CELF2: variants seen among roughly 807,000 people sequenced by gnomAD.
CELF2 encodes CUGBP Elav-like family member 2.
CELF2 carries 8 observed loss-of-function variants against 62.6 expected under a neutral mutation model. That is an observed-to-expected ratio of 0.13 (90% CI 0.07 to 0.23). The LOEUF (loss-of-function observed/expected upper bound fraction) is 0.23. Ranked by LOEUF, CELF2 falls within the 10% of genes least tolerant of loss-of-function variation. The pLI, the probability that CELF2 is intolerant of heterozygous loss-of-function variation, is 1.00. For missense variants in CELF2, 333 were observed against 671.0 expected (o/e 0.50, Z 5.56); for synonymous variants, 258 against 250.0 (o/e 1.03, Z -0.30).
At chr10:11,102,729 A>C (rs1046100322) in intron 1 of CELF2, among the ~76,000 whole-genome samples, 2 of 152,194 alleles carry the variant, frequency 1.3e-5, no homozygotes. Context: ...ACCAAATTCA[A>C]TGTAAAATGG....
At chr10:11,176,509 G>A (rs530139319) in intron 2 of CELF2, among the ~76,000 whole-genome samples, 2 of 152,192 alleles carry the variant, frequency 1.3e-5, no homozygotes, top group South Asian at 2.1e-4. Flanking sequence ...GAACTCTGAC[G>A]TGTATTTTAA....
intron 1 of CELF2, among the ~76,000 whole-genome samples, chr10:11,122,952 C>T (rs117701742): frequency 0.013 from 1,939 of 152,096 alleles, 20 homozygotes; most frequent in Non-Finnish European, 0.017. Flanking sequence ...AGCATCTCTC[C>T]GAAGGGCTAG....
At chr10:10,805,815 CTA>C (rs1241405385) in intron 1 of CELF2, among the ~76,000 whole-genome samples, 9 of 152,154 alleles carry the variant, frequency 5.9e-5, no homozygotes, top group African/African-American at 1.7e-4. Flanking sequence ...TTTGAACACT[CTA>C]AGTCCATTTT....
At position 11,307,220 on chromosome 10, in the gene CELF2, C is replaced by T. The variant is rs148537374; in HGVS notation, c.977-6919C>T. Among the ~76,000 whole-genome samples, 316 of 152,378 alleles carry T rather than the reference C, an allele frequency of 2.1e-3. 1 individual carries two copies. The highest frequency in any genetic ancestry group is 7.1e-3 in the African/African-American group (296 of 41,600). On this transcript the variant is annotated intron_variant, in intron 9 of 12. Transcript: ENST00000633077. ...CAGGGCGAAGCACTCTCTAGAAGCGCGCTCTGACGGGCACTACTCTGGAGG... is the reference window on the plus strand; with the variant it reads ...CAGGGCGAAGCACTCTCTAGAAGCGTGCTCTGACGGGCACTACTCTGGAGG...
the CELF2 span, among the ~76,000 whole-genome samples, chr10:10,650,104 AT>A: frequency 6.6e-6 from 1 of 152,226 alleles, no homozygotes. Flanking sequence ...CTGGTCTCAC[AT>A]CCAGGGAATG....
chr10:11,166,181 C>T (rs2067108611), intron 2 of CELF2, among the ~76,000 whole-genome samples: 1 of 152,182 alleles, frequency 6.6e-6, no homozygotes, highest in African/African-American at 2.4e-5. Flanking sequence ...AAAAGGCTCC[C>T]CTGAAGAAGG....
Position 11,255,879 on chromosome 10 carries a change from A to G in CELF2, c.404-1859A>G, listed in dbSNP as rs1002116051. On this transcript the variant is annotated intron_variant, in intron 4 of 12. Coordinates refer to ENST00000633077, the MANE Select transcript of CELF2 (RefSeq NM_001326342.2). This position sits in a 1 kb window ranked among gnomAD's most constrained non-coding sequence, Gnocchi z 5.5. The stretch of plus-strand genomic sequence containing the variant: ...ACCGGACCTAGAACCTTGGTCTTCT[A>G]ATCACCGCCATTGCTCTCCCCTTCA... Among the ~76,000 whole-genome samples the G allele has an allele frequency of 2.0e-5, 3 of 152,172 alleles. No individual in the cohort carries two copies. Among genetic ancestry groups the G allele is most frequent in the African/African-American group, 7.2e-5 (3 of 41,444 alleles).
At chr10:11,035,739 G>T (rs756014553) in intron 1 of CELF2, among the ~76,000 whole-genome samples, 1 of 152,196 alleles carries the variant, frequency 6.6e-6, no homozygotes, top group Non-Finnish European at 1.5e-5. Flanking sequence ...ATACCCAGCT[G>T]TTTGTTATTC....
intron 1 of CELF2, among the ~76,000 whole-genome samples, chr10:10,859,959 A>G (rs929101211): frequency 1.3e-5 from 2 of 152,140 alleles, no homozygotes; most frequent in Non-Finnish European, 2.9e-5. Context: ...GTTTGTTTGT[A>G]TGTTTTATGT....
intron 1 of CELF2, among the ~76,000 whole-genome samples, chr10:11,143,385 C>T (rs927789572): frequency 2.0e-4 from 31 of 152,204 alleles, no homozygotes; most frequent in African/African-American, 5.8e-4. Flanking sequence ...CACTTTGTTT[C>T]AGGCCCTAGG....
intron 1 of CELF2, among the ~76,000 whole-genome samples, chr10:11,062,490 G>T (rs1005515481): frequency 1.1e-4 from 16 of 152,074 alleles, no homozygotes; most frequent in African/African-American, 3.9e-4. Context: ...ACAGGAATTT[G>T]GAAGAAGTGG....
chr10:10,464,552 G>C, the CELF2 span, among the ~76,000 whole-genome samples: 2 of 152,102 alleles, frequency 1.3e-5, no homozygotes, highest in African/African-American at 2.4e-5. Context: ...GAAAAACAAA[G>C]GCCAATAGAT....
At chr10:10,834,114 A>G (rs996942402) in intron 1 of CELF2, among the ~76,000 whole-genome samples, 4 of 152,354 alleles carry the variant, frequency 2.6e-5, no homozygotes, top group Non-Finnish European at 2.9e-5. Flanking sequence ...CATATACATC[A>G]TGGAATACTA....
At chr10:10,580,041 TCTC>T in the CELF2 span, among the ~76,000 whole-genome samples, 1 of 152,084 alleles carries the variant, frequency 6.6e-6, no homozygotes, top group Non-Finnish European at 1.5e-5. Flanking sequence ...TAAATTATCT[TCTC>T]CTTCTACACA....
chr10:10,735,941 T>C, the CELF2 span, among the ~76,000 whole-genome samples: 1 of 152,176 alleles, frequency 6.6e-6, no homozygotes, highest in Admixed American at 6.5e-5. Flanking sequence ...GAACACTCAA[T>C]ATACAGCCAG....
At chr10:11,320,208 G>A (rs537877307) in intron 10 of CELF2, among the ~76,000 whole-genome samples, 16 of 152,250 alleles carry the variant, frequency 1.1e-4, no homozygotes, top group Middle Eastern at 3.4e-3. Flanking sequence ...CTTTGACTCC[G>A]TATTCAGGGA....
intron 1 of CELF2, among the ~76,000 whole-genome samples, chr10:11,116,500 AG>A (rs1293024619): frequency 6.6e-6 from 1 of 152,242 alleles, no homozygotes; most frequent in East Asian, 1.9e-4. Context: ...GAGTCTAACC[AG>A]AAACTGATCA....
intron 1 of CELF2, among the ~76,000 whole-genome samples, chr10:11,130,372 G>A (rs2059434682): frequency 6.6e-6 from 1 of 152,206 alleles, no homozygotes; most frequent in Admixed American, 6.5e-5. Flanking sequence ...CCCTGAGCAG[G>A]TAGGGGCTGG....
the CELF2 span, among the ~76,000 whole-genome samples, chr10:10,739,815 G>A: frequency 6.6e-6 from 1 of 152,120 alleles, no homozygotes; most frequent in Non-Finnish European, 1.5e-5. Flanking sequence ...TCTCATTGTG[G>A]TTTTCAGTTG....
Sources: gnomAD v4.1 joint callset for allele counts (sites outside exome capture counted in the v4.1 genomes callset) on GRCh38, gnomAD v4.1.1 for gene constraint, Gnocchi (gnomAD v3.1) non-coding constraint, MANE v1.5 for transcripts, NCBI Gene and HGNC (gene_info 2026-07-23, HGNC 2026-07-21) for gene names.